EYS: variants seen among roughly 807,000 people sequenced by gnomAD.
EYS encodes protein eyes shut homolog.
EYS carries 250 observed loss-of-function variants against 282.1 expected under a neutral mutation model. The observed-to-expected ratio is 0.89, with a 90% CI of 0.80 to 0.98. EYS has a LOEUF of 0.98. EYS is among the 50% of genes least tolerant of loss of function. The pLI is 0.00. For synonymous variants in EYS, 1,355 were observed against 1,282.9 expected (o/e 1.06, Z -1.20); for missense variants, 4,016 against 3,709.0 (o/e 1.08, Z -2.15).
intron 12 of EYS, among the ~76,000 whole-genome samples, chr6:65,160,654 C>T (rs183989725): frequency 3.3e-5 from 5 of 150,956 alleles, no homozygotes; most frequent in Admixed American, 6.6e-5. Context: ...AAGCTCTTTA[C>T]TCAGCCTTTC....
At chr6:65,204,660 T>A (rs1279367951) in intron 12 of EYS, among the ~76,000 whole-genome samples, 3 of 151,700 alleles carry the variant, frequency 2.0e-5, no homozygotes, top group Non-Finnish European at 3.0e-5. Context: ...CTAACAAAAC[T>A]ATAACAGGAA....
At chr6:64,471,907 A>G (rs1022477516) in intron 26 of EYS, among the ~76,000 whole-genome samples, 1 of 152,344 alleles carries the variant, frequency 6.6e-6, no homozygotes, top group Admixed American at 6.5e-5. Context: ...ATAGCACAGT[A>G]GGGTGACTGT....
chr6:64,881,438 A>AT (rs1210401659), intron 19 of EYS, among the ~76,000 whole-genome samples: 1 of 151,762 alleles, frequency 6.6e-6, no homozygotes, highest in Non-Finnish European at 1.5e-5. Flanking sequence ...ATATTTTAGC[A>AT]TTTTTTTGTT....
intron 36 of EYS, among the ~76,000 whole-genome samples, chr6:63,814,641 C>A (rs1771132212): frequency 6.6e-6 from 1 of 152,136 alleles, no homozygotes. Context: ...CTGAAGCATT[C>A]TTTTTAGATG....
intron 21 of EYS, among the ~76,000 whole-genome samples, chr6:64,819,433 G>A (rs111880754): frequency 3.1e-4 from 47 of 152,048 alleles, no homozygotes; most frequent in African/African-American, 8.4e-4. Context: ...AAACAGAATC[G>A]TCCAAAAACT....
intron 28 of EYS, among the ~76,000 whole-genome samples, chr6:64,395,751 TG>T (rs1773345187): frequency 6.7e-6 from 1 of 149,108 alleles, no homozygotes; most frequent in African/African-American, 2.5e-5. Flanking sequence ...ACCTGCACAA[TG>T]TGCACATGTA....
chr6:65,122,379 G>T (rs1474163475), intron 12 of EYS, among the ~76,000 whole-genome samples: 1 of 152,176 alleles, frequency 6.6e-6, no homozygotes, highest in South Asian at 2.1e-4. Flanking sequence ...GGTCTTCAAA[G>T]ACAGGGACCT....
intron 11 of EYS, chr6:65,329,160 A>G (rs557731247): frequency 5.8e-6 from 1 of 173,392 alleles, no homozygotes; most frequent in Non-Finnish European, 1.1e-5. Flanking sequence ...ACCTGAAGCT[A>G]TAATACGGTC....
chr6:65,326,466 C>A (rs1269797007), intron 11 of EYS, among the ~76,000 whole-genome samples: 4 of 150,806 alleles, frequency 2.7e-5, no homozygotes, highest in Non-Finnish European at 3.0e-5. Flanking sequence ...TCAGTGTCTC[C>A]CTCAGTAGAA....
At chr6:65,023,082 G>A (rs116330849) in intron 13 of EYS, among the ~76,000 whole-genome samples, 1,786 of 152,152 alleles carry the variant, frequency 0.012, 32 homozygotes, top group African/African-American at 0.041. Flanking sequence ...ATTAGATTAT[G>A]ATGATGAGGG....
chr6:65,482,576 C>A (rs1022270066), intron 5 of EYS, among the ~76,000 whole-genome samples: 5 of 152,170 alleles, frequency 3.3e-5, no homozygotes, highest in African/African-American at 1.2e-4. Flanking sequence ...AAATTCTATT[C>A]TTCACAAATT....
At chr6:65,094,302 A>G (rs2150179623) in intron 12 of EYS, among the ~76,000 whole-genome samples, 1 of 143,674 alleles carries the variant, frequency 7.0e-6, no homozygotes, top group South Asian at 2.4e-4. Flanking sequence ...TCAATAATGA[A>G]TGGGATATCT....
At chr6:65,597,865 T>A (rs1286492973) in intron 2 of EYS, among the ~76,000 whole-genome samples, 6 of 151,610 alleles carry the variant, frequency 4.0e-5, no homozygotes, top group Non-Finnish European at 7.4e-5. Context: ...CTTTGGGAGG[T>A]CAAGGCGGGC....
intron 30 of EYS, among the ~76,000 whole-genome samples, chr6:64,305,437 GA>G (rs1157342739): frequency 6.6e-6 from 1 of 151,772 alleles, no homozygotes; most frequent in Non-Finnish European, 1.5e-5. Flanking sequence ...AAACAATCTT[GA>G]AAAATAACAA....
At chr6:65,692,255 A>G (rs1769271524) in intron 1 of EYS, among the ~76,000 whole-genome samples, 1 of 150,150 alleles carries the variant, frequency 6.7e-6, no homozygotes, top group Non-Finnish European at 1.5e-5. Context: ...TAGGCATAGG[A>G]GACTTGGAAA....
intron 31 of EYS, among the ~76,000 whole-genome samples, chr6:64,156,569 G>A (rs186475417): frequency 7.2e-5 from 11 of 152,266 alleles, no homozygotes; most frequent in African/African-American, 1.7e-4. Flanking sequence ...AGGAAAATGT[G>A]GAAAGTTTGG....
intron 35 of EYS, among the ~76,000 whole-genome samples, chr6:63,920,307 CTGG>C (rs1298790770): frequency 6.6e-6 from 1 of 152,162 alleles, no homozygotes; most frequent in Non-Finnish European, 1.5e-5. Context: ...AGATCTCCTA[CTGG>C]TGGATTCTGA....
chr6:63,923,204 C>T (rs192860794), intron 35 of EYS, among the ~76,000 whole-genome samples: 1 of 151,944 alleles, frequency 6.6e-6, no homozygotes, highest in Non-Finnish European at 1.5e-5. Flanking sequence ...TAATTTCATT[C>T]CCCTAGAATA....
intron 12 of EYS, among the ~76,000 whole-genome samples, chr6:65,128,759 A>G (rs1775787281): frequency 6.6e-6 from 1 of 152,058 alleles, no homozygotes; most frequent in African/African-American, 2.4e-5. Context: ...GTACAGATTC[A>G]GCATTATTTC....
Sources: gnomAD v4.1 joint callset for allele counts (sites outside exome capture counted in the v4.1 genomes callset) on GRCh38, gnomAD v4.1.1 for gene constraint, MANE v1.5 for transcripts, NCBI Gene and HGNC (gene_info 2026-07-23, HGNC 2026-07-21) for gene names.